The following IMMP2L variants were observed in gnomAD, a reference collection of about 807,000 sequenced individuals.
IMMP2L encodes mitochondrial inner membrane protease subunit 2.
A neutral mutation model predicts 19.3 loss-of-function variants in IMMP2L; 18 were observed. That is an observed-to-expected ratio of 0.93 (90% CI 0.64 to 1.38). The LOEUF is 1.38. Among genes scored for constraint, IMMP2L ranks in the 40% most tolerant of loss-of-function variants. The pLI is 0.00. For synonymous variants in IMMP2L, 76 were observed against 73.0 expected (o/e 1.04, Z -0.21); for missense variants, 233 against 218.2 (o/e 1.07, Z -0.43).
chr7:111,531,118 A>C (rs1267293158), intron 1 of IMMP2L, among the ~76,000 whole-genome samples: 1 of 151,668 alleles, frequency 6.6e-6, no homozygotes, highest in Non-Finnish European at 1.5e-5. Flanking sequence ...CGCCCGGCTA[A>C]TTTTGTTTTG....
intron 4 of IMMP2L, among the ~76,000 whole-genome samples, chr7:110,950,295 T>A (rs2129554076): frequency 6.6e-6 from 1 of 152,292 alleles, no homozygotes; most frequent in South Asian, 2.1e-4. Context: ...TCTCTCAGTG[T>A]CTCTATTCTG....
At chr7:111,400,341 G>A (rs1833302388) in intron 3 of IMMP2L, among the ~76,000 whole-genome samples, 1 of 152,110 alleles carries the variant, frequency 6.6e-6, no homozygotes, top group South Asian at 2.1e-4. Flanking sequence ...AGACTGTGGT[G>A]AACAATTCAG....
chr7:111,046,941 T>C (rs1442488994), intron 3 of IMMP2L, among the ~76,000 whole-genome samples: 1 of 151,984 alleles, frequency 6.6e-6, no homozygotes, highest in African/African-American at 2.4e-5. Flanking sequence ...ATATTAAAAA[T>C]AAAAATAAAA....
chr7:110,786,813 G>C (rs1448754419), intron 5 of IMMP2L, among the ~76,000 whole-genome samples: 1 of 151,994 alleles, frequency 6.6e-6, no homozygotes, highest in Non-Finnish European at 1.5e-5. Flanking sequence ...AGCTGCCAAA[G>C]GGCATGTTGG....
intron 3 of IMMP2L, among the ~76,000 whole-genome samples, chr7:111,388,354 T>C (rs1236718408): frequency 6.6e-6 from 1 of 152,012 alleles, no homozygotes; most frequent in Non-Finnish European, 1.5e-5. Context: ...TTTTCTAATG[T>C]TGGAGAAGGA....
chr7:111,454,029 C>T (rs370264412), intron 3 of IMMP2L, among the ~76,000 whole-genome samples: 1 of 152,136 alleles, frequency 6.6e-6, no homozygotes, highest in South Asian at 2.1e-4. Context: ...TCAGTAAGAA[C>T]TTCATGCATT....
Position 111,102,140 on chromosome 7 carries a change from A to C in IMMP2L, c.240-138575T>G, listed in dbSNP as rs530445179. On this transcript the variant is annotated intron_variant, in intron 3 of 5. Transcript: ENST00000405709. ...ATCCCTATATTGGGATAGATTTTACAGATTTTAGGTCACTTGTTCAAAGTG... is the reference window on the plus strand; with the variant it reads ...ATCCCTATATTGGGATAGATTTTACCGATTTTAGGTCACTTGTTCAAAGTG... Among the ~76,000 whole-genome samples the C allele has an allele frequency of 2.0e-5, 3 of 151,682 alleles. No individual in the cohort carries two copies. In the South Asian group the frequency reaches 6.2e-4, roughly 31 times the overall value.
At chr7:111,036,708 T>A (rs1319679046) in intron 3 of IMMP2L, among the ~76,000 whole-genome samples, 1 of 152,156 alleles carries the variant, frequency 6.6e-6, no homozygotes, top group Non-Finnish European at 1.5e-5. Context: ...ATTACTTGAT[T>A]AAAAAGCTGT....
intron 3 of IMMP2L, among the ~76,000 whole-genome samples, chr7:111,091,890 G>T (rs1181675439): frequency 1.3e-5 from 2 of 151,984 alleles, no homozygotes; most frequent in African/African-American, 4.8e-5. Context: ...AGACAGAGAG[G>T]AGAGGAGAGT....
intron 1 of IMMP2L, among the ~76,000 whole-genome samples, chr7:111,539,018 G>A (rs1257835692): frequency 2.0e-5 from 3 of 150,808 alleles, no homozygotes; most frequent in Non-Finnish European, 4.4e-5. Context: ...TACTCGGGAG[G>A]CTAAAGCAGG....
chr7:111,486,049 G>A (rs537109908), intron 3 of IMMP2L, among the ~76,000 whole-genome samples: 1 of 152,242 alleles, frequency 6.6e-6, no homozygotes, highest in Non-Finnish European at 1.5e-5. Context: ...GGTTGTTTAG[G>A]AGGTTGCAAA....
At chr7:110,961,463 A>C (rs1232304134) in intron 4 of IMMP2L, among the ~76,000 whole-genome samples, 1 of 150,070 alleles carries the variant, frequency 6.7e-6, no homozygotes, top group Non-Finnish European at 1.5e-5. Flanking sequence ...AGACACAACT[A>C]TCATTTGTTT....
At chr7:110,664,093 G>A (rs912885472) in intron 5 of IMMP2L, among the ~76,000 whole-genome samples, 5 of 152,034 alleles carry the variant, frequency 3.3e-5, no homozygotes, top group Non-Finnish European at 7.4e-5. Context: ...AGTTTGACTC[G>A]AGTCCACCAT....
intron 3 of IMMP2L, among the ~76,000 whole-genome samples, chr7:111,014,838 G>T (rs1825343300): frequency 6.6e-6 from 1 of 152,022 alleles, no homozygotes; most frequent in Admixed American, 6.6e-5. Flanking sequence ...CAAAACCACA[G>T]TGAGATATCA....
chr7:111,265,238 T>C (rs1469536774), intron 3 of IMMP2L, among the ~76,000 whole-genome samples: 1 of 152,186 alleles, frequency 6.6e-6, no homozygotes, highest in East Asian at 1.9e-4. Flanking sequence ...TCTCTGAACA[T>C]AGAATAGGCT....
chr7:111,178,068 A>G (rs1807270811), intron 3 of IMMP2L, among the ~76,000 whole-genome samples: 1 of 152,074 alleles, frequency 6.6e-6, no homozygotes, highest in South Asian at 2.1e-4. Flanking sequence ...ACTTTTAAGA[A>G]CCAGCAAGCA....
At chr7:111,374,467 T>A (rs746610674) in intron 3 of IMMP2L, among the ~76,000 whole-genome samples, 6 of 151,970 alleles carry the variant, frequency 3.9e-5, no homozygotes, top group Non-Finnish European at 8.8e-5. Flanking sequence ...AAAAAGAAAA[T>A]GACAAGACTC....
chr7:111,019,840 A>C (rs1826094738), intron 3 of IMMP2L, among the ~76,000 whole-genome samples: 1 of 152,008 alleles, frequency 6.6e-6, no homozygotes, highest in Non-Finnish European at 1.5e-5. Context: ...TTGAAAGGCA[A>C]CTCAATGACC....
intron 3 of IMMP2L, among the ~76,000 whole-genome samples, chr7:111,470,626 A>G (rs1198245750): frequency 2.7e-5 from 4 of 150,870 alleles, no homozygotes; most frequent in South Asian, 4.2e-4. Flanking sequence ...CCCAAGGACA[A>G]AAAAACCAAA....
Sources: gnomAD v4.1 joint callset for allele counts (sites outside exome capture counted in the v4.1 genomes callset) on GRCh38, gnomAD v4.1.1 for gene constraint, MANE v1.5 for transcripts, NCBI Gene and HGNC (gene_info 2026-07-23, HGNC 2026-07-21) for gene names.